Variants in NRXN2 observed in about 807,000 individuals in gnomAD.
The protein encoded by NRXN2 is neurexin 2, also known as neurexin-2-beta.
In NRXN2, 29 loss-of-function variants were observed where a neutral mutation model predicts 128.8. That is an observed-to-expected ratio of 0.23 (90% CI 0.17 to 0.31). The LOEUF is 0.31. Ranked by LOEUF, NRXN2 falls within the 10% of genes least tolerant of loss-of-function variation. The pLI is 1.00. For synonymous variants in NRXN2, 1,098 were observed against 1,075.2 expected (o/e 1.02, Z -0.41); for missense variants, 1,881 against 2,452.6 (o/e 0.77, Z 4.92).
intron 2 of NRXN2, among the ~76,000 whole-genome samples, chr11:64,712,406 A>C (rs1592299565): frequency 6.3e-5 from 7 of 110,472 alleles, no homozygotes; most frequent in African/African-American, 1.4e-4. Context: ...CACAGGCCCC[A>C]CTCACAGCCC....
rs755479987 is a variant in NRXN2 at position 64,660,553 on chromosome 11, G to C, written c.2186-18C>G. 15 of 1,613,176 alleles carry C rather than the reference G, an allele frequency of 9.3e-6. No homozygotes were observed. Among genetic ancestry groups the C allele is most frequent in the Non-Finnish European group, 1.3e-5 (15 of 1,179,490 alleles). ...CGTGGCCTCTGCCCACAGGAGTTGG[G>C]GAAGAGGGAAGGAGAAGACAGGCAG... is the stretch of plus-strand genomic sequence containing the variant. On this transcript the variant is annotated intron_variant, in intron 10 of 22. Coordinates refer to ENST00000265459, the MANE Select transcript of NRXN2 (RefSeq NM_015080.4). The surrounding 1 kb of genome is among the most constrained non-coding windows in gnomAD (Gnocchi z 5.2).
At position 64,630,694 on chromosome 11, in the gene NRXN2, T is replaced by C; in HGVS notation, c.3586-121A>G. 1 of 1,173,690 alleles carries C rather than the reference T, an allele frequency of 8.5e-7. No individual in the cohort carries two copies. The allele number at this position is 1,173,690 out of a possible 1,614,324, so 72.7% of individuals were successfully genotyped here. A position where few individuals can be genotyped will look rare whatever the true frequency, so the allele number is the denominator to read the frequency against. ...GCACTTAAGGCACCTTTCCCAGGTC[T>C]CAACCGCTGGAGGAGGTGGGCAGGC... is the stretch of plus-strand genomic sequence containing the variant. On this transcript the variant is annotated intron_variant, in intron 18 of 22. Coordinates refer to ENST00000265459, the MANE Select transcript of NRXN2 (RefSeq NM_015080.4). The surrounding 1 kb of genome is among the most constrained non-coding windows in gnomAD (Gnocchi z 4.6).
intron 2 of NRXN2, among the ~76,000 whole-genome samples, chr11:64,711,360 G>C (rs1420427620): frequency 6.6e-6 from 1 of 152,220 alleles, no homozygotes; most frequent in Admixed American, 6.5e-5. Flanking sequence ...ACACGAGCTG[G>C]AAGAACAGGG....
chr11:64,650,491 A>G lies in NRXN2; in HGVS notation c.3066T>C (p.Thr1022=), dbSNP rs969028658. ...GGGCGCCATTGGAGTGCTGCGTGAC[A>G]GTGCGGGAGTCAATCTTGAGCGTGT... The part of the protein sequence containing the change: ...NVHTLKIDSR[T]VTQHSNGARN... The change falls in exon 15 of 23, where the codon ACT becomes ACC. Residue 1022 remains threonine, a synonymous_variant. Transcript: ENST00000265459. 5.0e-6 allele frequency: 8 copies of G among 1,614,058 alleles called. No individual in the cohort carries two copies. Among genetic ancestry groups the G allele is most frequent in the Middle Eastern group, 1.6e-4 (1 of 6,082 alleles).
At chr11:64,691,756 G>T (rs2053835295) in intron 4 of NRXN2, among the ~76,000 whole-genome samples, 3 of 152,128 alleles carry the variant, frequency 2.0e-5, no homozygotes, top group South Asian at 4.1e-4. Context: ...CACACTTCTT[G>T]CCATAATTCC....
At position 64,607,716 on chromosome 11, in the gene NRXN2, G is replaced by A. The variant is rs2039876232; in HGVS notation, c.4619C>T (p.Thr1540Ile). The A allele has an allele frequency of 1.9e-6, 3 of 1,560,430 alleles. No homozygotes were observed. The highest frequency in any genetic ancestry group is 1.9e-5 in the Admixed American group (1 of 52,616). Residue 1540 changes from threonine to isoleucine, a missense_variant, in exon 23 of 23, where the codon ACA becomes ATA. This residue lies in a region of NRXN2 where 310 missense variants were observed against 318.2 expected (regional missense o/e 0.97). Coordinates refer to ENST00000265459, the MANE Select transcript of NRXN2 (RefSeq NM_015080.4). ...RKPAPRPNLRTDGATGAPGVL... is the reference protein window; with the variant it reads ...RKPAPRPNLRIDGATGAPGVL... ...CCCAGGGGCGCCCGTGGCCCCATCT[G>A]TCCTGAGGTTGGGCCGGGGAGCGGG...
At chr11:64,643,312 T>G in intron 17 of NRXN2, 1 of 936,498 alleles carries the variant, frequency 1.1e-6, no homozygotes, top group Non-Finnish European at 1.2e-6. Flanking sequence ...GCGCCGCTGC[T>G]GCCGCTGCCG....
chr11:64,704,623 CAGAGAG>C (rs61394963), intron 2 of NRXN2, among the ~76,000 whole-genome samples: 4,524 of 80,944 alleles, frequency 0.056, 144 homozygotes, highest in Non-Finnish European at 0.071. Context: ...CACACACACA[CAGAGAG>C]AGAGAGAGAG....
rs771149141 is a variant in NRXN2 at position 64,685,829 on chromosome 11, G to C, written c.969C>G (p.Arg323=). 6.8e-6 allele frequency: 11 copies of C among 1,614,254 alleles called. No homozygotes were observed. Among genetic ancestry groups the C allele is most frequent in the Non-Finnish European group, 9.3e-6 (11 of 1,180,048 alleles). The change falls in exon 6 of 23, where the codon CGC becomes CGG. Residue 323 remains arginine, a synonymous_variant. Transcript: ENST00000265459. ...TGCCTGTATGCAGCATCAGGCCGTTGCGTTGCAGGGTGCGGAAGGCCAGTG... is the reference window on the plus strand; with the variant it reads ...TGCCTGTATGCAGCATCAGGCCGTTCCGTTGCAGGGTGCGGAAGGCCAGTG... The part of the protein sequence containing the change: ...EITLAFRTLQ[R]NGLMLHTGKS...
At chr11:64,719,761 C>G (rs992134294) in intron 1 of NRXN2, among the ~76,000 whole-genome samples, 3 of 152,080 alleles carry the variant, frequency 2.0e-5, no homozygotes, top group African/African-American at 7.2e-5. Flanking sequence ...GGCGGGTGCA[C>G]CCCAGTGATG....
At chr11:64,628,019 A>G (rs2043323101) in intron 19 of NRXN2, among the ~76,000 whole-genome samples, 1 of 152,154 alleles carries the variant, frequency 6.6e-6, no homozygotes, top group Non-Finnish European at 1.5e-5. Context: ...CTATAGATTC[A>G]GGATATTTGT....
chr11:64,646,761 G>C (rs1368340431), intron 17 of NRXN2, among the ~76,000 whole-genome samples: 1 of 152,124 alleles, frequency 6.6e-6, no homozygotes, highest in Non-Finnish European at 1.5e-5. Context: ...AACTGAGTTA[G>C]CTGGAGGGGA....
chr11:64,660,709 C>G lies in NRXN2; in HGVS notation c.2185+44G>C, dbSNP rs950774984. ...GGAGTCACCCTGAGAAGGAGGAGCA[C>G]AGGGATAGGGAGCAGGGACACCTAG... is the stretch of plus-strand genomic sequence containing the variant. On this transcript the variant is annotated intron_variant, in intron 10 of 22. Transcript: ENST00000265459. This position sits in a 1 kb window ranked among gnomAD's most constrained non-coding sequence, Gnocchi z 5.2. 1 of 1,605,084 alleles carries G rather than the reference C, an allele frequency of 6.2e-7. No homozygotes were observed. Among genetic ancestry groups the G allele is most frequent in the South Asian group, 1.1e-5 (1 of 91,070 alleles).
At chr11:64,650,870 A>C (rs935066927) in intron 14 of NRXN2, among the ~76,000 whole-genome samples, 1 of 152,148 alleles carries the variant, frequency 6.6e-6, no homozygotes, top group African/African-American at 2.4e-5. Flanking sequence ...CTTGTGACAC[A>C]ACCTCAGAAG....
rs905632722 is a variant in NRXN2, at chr11:64,657,619, C to G, written c.2389+2713G>C. ...AAAGATTAAAAAAAAGAGAGAGAGACTCAGAGATGGGAAATGACTTACCCA... is the reference window on the plus strand; with the variant it reads ...AAAGATTAAAAAAAAGAGAGAGAGAGTCAGAGATGGGAAATGACTTACCCA... On this transcript the variant is annotated intron_variant, in intron 11 of 22. Coordinates refer to ENST00000265459, the MANE Select transcript of NRXN2 (RefSeq NM_015080.4). Among the ~76,000 whole-genome samples, 3 of 152,150 alleles carry G rather than the reference C, an allele frequency of 2.0e-5. No individual in the cohort carries two copies. The East Asian group carries it at 5.8e-4, about 29-fold the overall frequency.
rs575071023 is a variant in NRXN2, at chr11:64,607,936, C to G, written c.4399G>C (p.Ala1467Pro). The G allele has an allele frequency of 1.6e-6, 2 of 1,274,256 alleles. No individual in the cohort carries two copies. The highest frequency in any genetic ancestry group is 5.1e-5 in the Admixed American group (2 of 39,458). The allele number at this position is 1,274,256 out of a possible 1,614,324, so 78.9% of individuals were successfully genotyped here. The change falls in exon 23 of 23, where the codon GCC becomes CCC. Residue 1467 changes from alanine to proline, a missense_variant. By Grantham distance (27) the Ala-to-Pro change is conservative. Around this residue, in one of 7 missense-constraint regions of NRXN2, gnomAD observed 310 missense variants for 318.2 expected, o/e 0.97. Coordinates refer to ENST00000265459, the MANE Select transcript of NRXN2 (RefSeq NM_015080.4). Reference protein sequence around the residue: ...GATQDTLPPPAARRPPSGGPC... With the variant: ...GATQDTLPPPPARRPPSGGPC... ...CCCCCAGAGGGCGGGCGGCGCGCGGCGGGCGGGGGCAGCGTGTCTTGGGTG... is the reference window on the plus strand; with the variant it reads ...CCCCCAGAGGGCGGGCGGCGCGCGGGGGGCGGGGGCAGCGTGTCTTGGGTG...
chr11:64,682,497 G>T (rs373178141), intron 6 of NRXN2, among the ~76,000 whole-genome samples: 2 of 149,766 alleles, frequency 1.3e-5, no homozygotes, highest in South Asian at 4.3e-4. Flanking sequence ...CTTGCGGACC[G>T]CATCTTTGAG....
At chr11:64,717,379 G>A (rs569379395) in intron 1 of NRXN2, among the ~76,000 whole-genome samples, 28 of 152,232 alleles carry the variant, frequency 1.8e-4, no homozygotes, top group African/African-American at 4.3e-4. Flanking sequence ...CTGGGGAGCC[G>A]ACCTCCTGAG....
intron 17 of NRXN2, among the ~76,000 whole-genome samples, chr11:64,640,284 T>C (rs986281451): frequency 1.3e-5 from 2 of 152,242 alleles, no homozygotes; most frequent in Admixed American, 1.3e-4. Flanking sequence ...GGAATCTTCC[T>C]TGGGCACTCT....
Sources: gnomAD v4.1 joint callset for allele counts (sites outside exome capture counted in the v4.1 genomes callset) on GRCh38, gnomAD v4.1.1 for gene constraint, gnomAD v4.1.1 regional missense constraint, Gnocchi (gnomAD v3.1) non-coding constraint, MANE v1.5 for transcripts, NCBI Gene and HGNC (gene_info 2026-07-23, HGNC 2026-07-21) for gene names.